Variants in ANKS1B observed in about 807,000 individuals in gnomAD.
The protein encoded by ANKS1B is ankyrin repeat and sterile alpha motif domain containing 1B, also known as ankyrin repeat and sterile alpha motif domain-containing protein 1B.
In ANKS1B, 36 loss-of-function variants were observed where a neutral mutation model predicts 148.3. That is an observed-to-expected ratio of 0.24 (90% CI 0.19 to 0.32). The LOEUF (loss-of-function observed/expected upper bound fraction) is 0.32, where lower values mean the gene tolerates loss of function less well. ANKS1B is among the 10% of genes least tolerant of loss of function. The probability of loss-of-function intolerance (pLI) is 1.00; values close to 1 mark genes in which losing one functional copy is unlikely to be tolerated. For synonymous variants in ANKS1B, 542 were observed against 560.8 expected (o/e 0.97, Z 0.47); for missense variants, 1,157 against 1,542.6 (o/e 0.75, Z 4.19).
intron 8 of ANKS1B, among the ~76,000 whole-genome samples, chr12:99,761,777 C>T (rs897347699): frequency 5.9e-5 from 9 of 151,972 alleles, no homozygotes; most frequent in East Asian, 1.9e-4. Context: ...ACTAATGATA[C>T]GATTCTATGC....
intron 11 of ANKS1B, among the ~76,000 whole-genome samples, chr12:99,422,143 C>T (rs1395750150): frequency 6.6e-6 from 1 of 152,134 alleles, no homozygotes; most frequent in Non-Finnish European, 1.5e-5. Flanking sequence ...CAAGAATGTC[C>T]TAACACACCA....
chr12:99,532,882 G>T (rs1004140455), intron 9 of ANKS1B, among the ~76,000 whole-genome samples: 3 of 152,060 alleles, frequency 2.0e-5, no homozygotes, highest in African/African-American at 4.8e-5. Flanking sequence ...ATTTGTCTCT[G>T]TGCCTATTTT....
intron 17 of ANKS1B, among the ~76,000 whole-genome samples, chr12:98,942,157 C>T (rs1356394505): frequency 6.7e-6 from 1 of 148,790 alleles, no homozygotes; most frequent in Non-Finnish European, 1.5e-5. Context: ...AGGAGAATCA[C>T]TTGAACCCAG....
chr12:99,754,493 T>C (rs2153599168), intron 8 of ANKS1B, among the ~76,000 whole-genome samples: 1 of 152,256 alleles, frequency 6.6e-6, no homozygotes, highest in East Asian at 1.9e-4. Context: ...AACTCAGCAA[T>C]GGATCACATG....
intron 11 of ANKS1B, among the ~76,000 whole-genome samples, chr12:99,438,122 TTCTC>T (rs1180329104): frequency 6.6e-6 from 1 of 151,876 alleles, no homozygotes; most frequent in African/African-American, 2.4e-5. Context: ...TTCTCAATGA[TTCTC>T]TCTCTCTTTT....
chr12:99,234,549 C>T (rs1241830448), intron 14 of ANKS1B, among the ~76,000 whole-genome samples: 3 of 152,142 alleles, frequency 2.0e-5, no homozygotes, highest in Non-Finnish European at 4.4e-5. Context: ...ACCACAGCAG[C>T]AAACACAATG....
At chr12:99,410,758 A>G (rs7301622) in intron 11 of ANKS1B, among the ~76,000 whole-genome samples, 70,556 of 152,172 alleles carry the variant, frequency 0.46, 18,061 homozygotes, top group African/African-American at 0.69. Context: ...CTGTGATTGA[A>G]TCAGGGAACC....
intron 12 of ANKS1B, among the ~76,000 whole-genome samples, chr12:99,319,898 G>T (rs1376631906): frequency 6.6e-6 from 1 of 152,126 alleles, no homozygotes; most frequent in Non-Finnish European, 1.5e-5. Context: ...TGGTGACAAA[G>T]TCTCTCAGCA....
chr12:99,824,909 T>G (rs1431090235), intron 2 of ANKS1B, among the ~76,000 whole-genome samples: 2 of 152,180 alleles, frequency 1.3e-5, no homozygotes, highest in African/African-American at 4.8e-5. Flanking sequence ...GGGCTCAGAA[T>G]AGTGGGAGTC....
intron 19 of ANKS1B, among the ~76,000 whole-genome samples, chr12:98,818,320 C>A (rs1054867532): frequency 2.1e-4 from 32 of 152,144 alleles, no homozygotes; most frequent in African/African-American, 7.5e-4. Flanking sequence ...TTATGATATT[C>A]CTGTTATTCA....
intron 24 of ANKS1B, among the ~76,000 whole-genome samples, chr12:98,777,515 T>C (rs1436594522): frequency 6.6e-6 from 1 of 152,128 alleles, no homozygotes; most frequent in Admixed American, 6.5e-5. Context: ...TCCCCCAACC[T>C]GAAGAAGGGT....
intron 17 of ANKS1B, among the ~76,000 whole-genome samples, chr12:98,905,434 T>C (rs1029405978): frequency 2.6e-5 from 4 of 151,596 alleles, no homozygotes; most frequent in African/African-American, 9.7e-5. Flanking sequence ...GTCCCTAGAG[T>C]TTCTGATGAG....
intron 17 of ANKS1B, among the ~76,000 whole-genome samples, chr12:98,937,101 T>C (rs2099819487): frequency 6.6e-6 from 1 of 152,214 alleles, no homozygotes; most frequent in African/African-American, 2.4e-5. Context: ...TCTGTAGTTG[T>C]CTCAAAGTGG....
intron 8 of ANKS1B, among the ~76,000 whole-genome samples, chr12:99,675,559 T>C (rs2098558959): frequency 6.6e-6 from 1 of 151,922 alleles, no homozygotes; most frequent in African/African-American, 2.4e-5. Context: ...AATTTTTTAA[T>C]ACTTTTCTGA....
At chr12:99,963,004 G>A (rs777149326) in intron 1 of ANKS1B, among the ~76,000 whole-genome samples, 8 of 151,938 alleles carry the variant, frequency 5.3e-5, no homozygotes, top group African/African-American at 1.2e-4. Context: ...TAGTGGAGAC[G>A]GGGTTTCACC....
intron 10 of ANKS1B, among the ~76,000 whole-genome samples, chr12:99,479,518 T>C (rs2096376988): frequency 6.6e-6 from 1 of 152,012 alleles, no homozygotes; most frequent in Non-Finnish European, 1.5e-5. Flanking sequence ...ATGTGGCATG[T>C]ATATACAATG....
At chr12:99,918,245 G>C (rs1305401628) in intron 1 of ANKS1B, among the ~76,000 whole-genome samples, 1 of 152,202 alleles carries the variant, frequency 6.6e-6, no homozygotes, top group African/African-American at 2.4e-5. Flanking sequence ...AGGGGTAGAA[G>C]TAGAATTGGC....
At chr12:98,767,450 A>G (rs1480983214) in intron 25 of ANKS1B, among the ~76,000 whole-genome samples, 2 of 152,102 alleles carry the variant, frequency 1.3e-5, no homozygotes, top group African/African-American at 2.4e-5. Context: ...CGTCTTCAAC[A>G]TTCTCTACGC....
At chr12:99,927,023 A>G (rs77998610) in intron 1 of ANKS1B, among the ~76,000 whole-genome samples, 1 of 152,314 alleles carries the variant, frequency 6.6e-6, no homozygotes, top group East Asian at 1.9e-4. Context: ...GAAGCCATAA[A>G]TGTAAATTAG....
Sources: allele counts gnomAD v4.1 joint callset (sites outside exome capture counted in the v4.1 genomes callset), GRCh38; gene constraint gnomAD v4.1.1; transcripts MANE v1.5; gene names NCBI Gene and HGNC (gene_info 2026-07-23, HGNC 2026-07-21).